Variants in GALK1 observed in about 807,000 individuals in gnomAD.
GALK1 encodes galactokinase.
Under a neutral mutation model 38.6 loss-of-function variants are expected in GALK1, and 30 were observed. The ratio of observed to expected loss-of-function variants is 0.78; its 90% CI spans 0.58 to 1.05. The LOEUF is 1.05. GALK1 is among the 50% of genes least tolerant of loss of function. The pLI is 0.00. For missense variants in GALK1, 512 were observed against 540.5 expected, an observed-to-expected ratio of 0.95 and a Z score of 0.52; for synonymous variants, 240 against 233.6, an observed-to-expected ratio of 1.03 and a Z score of -0.25.
chr17:75,752,443 C>CA, intron 8 of GALK1: 1 of 1,613,340 alleles, frequency 6.2e-7, no homozygotes, highest in Non-Finnish European at 8.5e-7. Context: ...CCCTGCCCTG[C>CA]AGTCCCCATC....
chr17:75,761,881 G>C (rs1048110956), intron 5 of GALK1, among the ~76,000 whole-genome samples: 1 of 151,776 alleles, frequency 6.6e-6, no homozygotes, highest in African/African-American at 2.4e-5. Context: ...TGTGCCAGGC[G>C]TAGTGGCGGG....
rs370714053 is a variant in GALK1, at chr17:75,765,013, C to T, written c.124G>A (p.Gly42Arg). The change falls in exon 1 of 8, where the codon GGG becomes AGG. Residue 42 changes from glycine (G) to arginine (R), a missense_variant. Transcript: ENST00000588479. ...VSAPGRVNLI[G>R]EHTDYNQGLV... ...CCCTGGTTGTAGTCCGTGTGTTCCC[C>T]GATGAGGTTGACGCGGCCCGGCGCT... 65 of 1,610,758 alleles carry T rather than the reference C, an allele frequency of 4.0e-5. No homozygotes were observed. Among genetic ancestry groups the T allele is most frequent in the African/African-American group, 5.3e-5 (4 of 74,874 alleles).
At chr17:75,756,543 G>A, downstream of GALK1, 2 of 1,613,232 alleles carry the variant, frequency 1.2e-6, no homozygotes, top group South Asian at 1.1e-5. Flanking sequence ...CAGGAAGGCT[G>A]GGGCCGAGAG....
chr17:75,753,867 G>A, downstream of GALK1: 1 of 1,362,140 alleles, frequency 7.3e-7, no homozygotes, highest in Non-Finnish European at 9.5e-7. Context: ...TCGGCCAGCA[G>A]CGGGCGCTCC....
chr17:75,755,251 C>T (rs202105174), downstream of GALK1: 2 of 1,580,754 alleles, frequency 1.3e-6, no homozygotes, highest in East Asian at 4.5e-5. Flanking sequence ...CACAGCTGTC[C>T]TGCTCCATCT....
At chr17:75,761,242 A>T (rs1249824183) in intron 5 of GALK1, among the ~76,000 whole-genome samples, 2 of 152,084 alleles carry the variant, frequency 1.3e-5, no homozygotes, top group Non-Finnish European at 2.9e-5. Flanking sequence ...ATAAATAAAA[A>T]AAGTTAATCA....
chr17:75,757,693 C>T (rs1211155016), downstream of GALK1: 4 of 1,239,364 alleles, frequency 3.2e-6, no homozygotes, highest in Non-Finnish European at 4.7e-6. Flanking sequence ...TAGGTGTCTC[C>T]TGGGAGGCAT....
At chr17:75,757,312 T>C (rs762236241), downstream of GALK1, 31 of 1,610,652 alleles carry the variant, frequency 1.9e-5, no homozygotes, top group East Asian at 5.8e-4. Context: ...TCCTAGTGGG[T>C]GAGCACTGAG....
At chr17:75,762,356 T>G (rs1346289064) in intron 5 of GALK1, among the ~76,000 whole-genome samples, 1 of 151,910 alleles carries the variant, frequency 6.6e-6, no homozygotes, top group Non-Finnish European at 1.5e-5. Context: ...GATGATATAT[T>G]ACATATACTC....
At chr17:75,752,256 G>A (rs780330523) in intron 8 of GALK1, 1 of 1,613,576 alleles carries the variant, frequency 6.2e-7, no homozygotes, top group Non-Finnish European at 8.5e-7. Context: ...GGGAGTCCCA[G>A]CCCTACCGCT....
chr17:75,753,795 G>A, downstream of GALK1: 1 of 1,460,316 alleles, frequency 6.8e-7, no homozygotes, highest in Non-Finnish European at 9.0e-7. Flanking sequence ...CCCCTGCTGG[G>A]GGAGGAGCTG....
chr17:75,764,142 C>T, intron 1 of GALK1, 56 bp from the exon 2 acceptor site: 1 of 1,461,564 alleles, frequency 6.8e-7, no homozygotes, highest in South Asian at 1.2e-5. Flanking sequence ...TAAGCCTCTC[C>T]AATGACACTG....
Position 75,763,780 on chromosome 17 carries a change from G to T in GALK1, c.355+117C>A, listed in dbSNP as rs2061598200. The stretch of plus-strand genomic sequence containing the variant: ...CATCAGTTTCCTCATCTGTACAATG[G>T]GATGCTCCACTCTACAAGCCTTCCC... On this transcript the variant is annotated intron_variant, in intron 2 of 7. Coordinates refer to ENST00000588479, the MANE Select transcript of GALK1 (RefSeq NM_000154.2). 3.8e-6 allele frequency: 4 copies of T among 1,051,046 alleles called. No homozygotes were observed. The Admixed American group carries it at 7.9e-5, about 21-fold the overall frequency. The allele number at this position is 1,051,046 out of a possible 1,614,324, so 65.1% of individuals were successfully genotyped here.
chr17:75,763,528 C>T (rs912339678), intron 2 of GALK1, 89 bp from the exon 3 acceptor site: 36 of 1,399,938 alleles, frequency 2.6e-5, no homozygotes, highest in Non-Finnish European at 3.1e-5. Context: ...AGGGCAGCAA[C>T]GGCCTAGCAG....
chr17:75,758,656 T>C, intron 5 of GALK1, 57 bp from the exon 6 acceptor site: 1 of 1,544,868 alleles, frequency 6.5e-7, no homozygotes, highest in Non-Finnish European at 8.7e-7. Context: ...CCCCGACGCC[T>C]GTGAGGACCA....
chr17:75,755,707 G>A (rs775852591), downstream of GALK1: 35 of 1,612,704 alleles, frequency 2.2e-5, no homozygotes, highest in African/African-American at 1.2e-4. Context: ...CCAGACTCTC[G>A]CCTGACTGCT....
At chr17:75,757,316 C>T, downstream of GALK1, 2 of 1,612,490 alleles carry the variant, frequency 1.2e-6, no homozygotes, top group Non-Finnish European at 8.5e-7. Flanking sequence ...AGTGGGTGAG[C>T]ACTGAGGGCT....
At position 75,758,549 on chromosome 17, in the gene GALK1, C is replaced by T; in HGVS notation, c.844G>A (p.Val282Met). The part of the protein sequence containing the change: ...KEGFRRARHV[V>M]GEIRRTAQAA... ...TGGGCCGTGCGCCGAATCTCCCCCACCACGTGCCGGGCCCGCCGGAAGCCC... is the reference window on the plus strand; with the variant it reads ...TGGGCCGTGCGCCGAATCTCCCCCATCACGTGCCGGGCCCGCCGGAAGCCC... The change falls in exon 6 of 8, where the codon GTG becomes ATG. Residue 282 changes from valine to methionine, a missense_variant. Val to Met is a conservative substitution (Grantham distance 21). Transcript: ENST00000588479. 2.5e-6 allele frequency: 4 copies of T among 1,596,296 alleles called. No homozygotes were observed. The highest frequency in any genetic ancestry group is 3.4e-6 in the Non-Finnish European group (4 of 1,176,570).
chr17:75,756,354 C>T (rs2061501848), downstream of GALK1: 1 of 1,551,408 alleles, frequency 6.4e-7, no homozygotes, highest in Admixed American at 1.7e-5. Context: ...TCGATGGCAG[C>T]TTAGGGACGA....
Sources: allele counts gnomAD v4.1 joint callset (sites outside exome capture counted in the v4.1 genomes callset), GRCh38; gene constraint gnomAD v4.1.1; transcripts MANE v1.5; gene names NCBI Gene and HGNC (gene_info 2026-07-23, HGNC 2026-07-21).